PRRG1: variants seen among roughly 807,000 people sequenced by gnomAD.
PRRG1 encodes transmembrane gamma-carboxyglutamic acid protein 1.
Under a neutral mutation model 11.8 loss-of-function variants are expected in PRRG1, and 5 were observed. That is an observed-to-expected ratio of 0.42 (90% CI 0.22 to 0.89). The LOEUF (loss-of-function observed/expected upper bound fraction) is 0.89. Ranked by LOEUF, PRRG1 falls within the 40% of genes least tolerant of loss-of-function variation. The probability of loss-of-function intolerance (pLI) is 0.28; values close to 1 mark genes in which losing one functional copy is unlikely to be tolerated. For synonymous variants in PRRG1, 66 were observed against 60.4 expected, an observed-to-expected ratio of 1.09 and a Z score of -0.43; for missense variants, 155 against 166.1, an observed-to-expected ratio of 0.93 and a Z score of 0.37.
intron 1 of PRRG1, among the ~76,000 whole-genome samples, chrX:37,395,065 C>T (rs1253737691): frequency 1.8e-5 from 2 of 111,702 alleles, no homozygotes; most frequent in Non-Finnish European, 3.8e-5. Flanking sequence ...ACTATTAAAA[C>T]TGTTATTTAA....
Position 37,354,601 on chromosome X carries a change from G to A in PRRG1, c.-42+5206G>A, listed in dbSNP as rs782675177. ...GTAGAGACGGGTTTTCACCGTGTTA[G>A]CCAGGATGGTCTCGATCTCCTGACC... On this transcript the variant is annotated intron_variant, in intron 1 of 3. Transcript: ENST00000378628. 4.6e-5 allele frequency among the ~76,000 whole-genome samples: 5 copies of A among 109,117 alleles called. No individual in the cohort carries two copies. The South Asian group carries it at 2.0e-3, about 44-fold the overall frequency. The allele number at this position is 109,117 out of a possible 115,157, so 94.8% of individuals were successfully genotyped here. A position where few individuals can be genotyped will look rare whatever the true frequency, so the allele number is the denominator to read the frequency against.
intron 2 of PRRG1, among the ~76,000 whole-genome samples, chrX:37,413,101 A>G (rs1932393246): frequency 9.0e-6 from 1 of 111,373 alleles, no homozygotes; most frequent in Non-Finnish European, 1.9e-5. Flanking sequence ...ATCCCTTACC[A>G]GAGAGGTACA....
intron 1 of PRRG1, chrX:37,403,702 C>G (rs950308713): frequency 3.3e-5 from 24 of 728,587 alleles, no homozygotes; most frequent in Non-Finnish European, 3.9e-5. Context: ...CACACACAGA[C>G]AAAAAAGAAG....
At chrX:37,403,462 C>G (rs1556381075) in intron 1 of PRRG1, among the ~76,000 whole-genome samples, 1 of 75,026 alleles carries the variant, frequency 1.3e-5, no homozygotes. Context: ...GGGAACATCA[C>G]ACTCTGGGGA....
Position 37,453,719 on chromosome X carries a change from T to C in PRRG1, c.*98T>C. 1.1e-6 allele frequency: 1 copy of C among 884,479 alleles called. No individual in the cohort carries two copies. The highest frequency in any genetic ancestry group is 1.5e-6 in the Non-Finnish European group (1 of 660,977). 72.9% of individuals were successfully genotyped at this position (884,479 alleles called of 1,213,427 possible). ...CATAAATGTTCATTGACTTATTTTA[T>C]TGGACTCTTACCGCATACCACTTCA... On this transcript the variant is annotated 3_prime_UTR_variant, in exon 4 of 4. Transcript: ENST00000378628.
intron 1 of PRRG1, among the ~76,000 whole-genome samples, chrX:37,377,978 G>T (rs923310168): frequency 5.4e-5 from 6 of 111,397 alleles, no homozygotes; most frequent in African/African-American, 2.0e-4. Flanking sequence ...AGGTAAGTTG[G>T]GTTGAAATCC....
At chrX:37,417,446 A>G (rs782272258) in intron 2 of PRRG1, among the ~76,000 whole-genome samples, 2 of 111,690 alleles carry the variant, frequency 1.8e-5, no homozygotes, top group African/African-American at 6.5e-5. Context: ...CCACCATACA[A>G]TAAATTCTGA....
Position 37,374,665 on chromosome X carries a change from G to A in PRRG1, c.-42+25270G>A, listed in dbSNP as rs139384027. On this transcript the variant is annotated intron_variant, in intron 1 of 3. Coordinates refer to ENST00000378628, the MANE Select transcript of PRRG1 (RefSeq NM_001142395.2). ...CTTCGAGTTCACTTATTCCTGTTAT[G>A]TCCATTTTGCTGTTAAATCCATCTA... Among the ~76,000 whole-genome samples, 563 of 110,630 alleles carry A rather than the reference G, an allele frequency of 5.1e-3. 5 individuals carry two copies. The highest frequency in any genetic ancestry group is 0.026 in the Admixed American group (275 of 10,401).
intron 1 of PRRG1, among the ~76,000 whole-genome samples, chrX:37,399,792 C>A (rs1556379654): frequency 7.7e-5 from 8 of 103,811 alleles, no homozygotes; most frequent in Admixed American, 1.0e-4. Flanking sequence ...GGAAGATCTA[C>A]CAAGCAAATG....
At chrX:37,383,243 G>A (rs1931212324) in intron 1 of PRRG1, among the ~76,000 whole-genome samples, 1 of 111,753 alleles carries the variant, frequency 8.9e-6, no homozygotes, top group Non-Finnish European at 1.9e-5. Context: ...TTGTTATGTA[G>A]CTTTAACAAT....
At position 37,413,396 on chromosome X, in the gene PRRG1, G is replaced by A. The variant is rs184320511; in HGVS notation, c.10+7137G>A. On this transcript the variant is annotated intron_variant, in intron 2 of 3. Transcript: ENST00000378628. ...TTTGCCTTCTCAGATTGAAGAGAAAGAAGCCTTCTCAGATTGGCTTCTTTC... is the reference window on the plus strand; with the variant it reads ...TTTGCCTTCTCAGATTGAAGAGAAAAAAGCCTTCTCAGATTGGCTTCTTTC... 5.2e-4 allele frequency among the ~76,000 whole-genome samples: 58 copies of A among 110,891 alleles called. No homozygotes were observed. In the East Asian group the frequency reaches 0.015, roughly 28 times the overall value.
intron 1 of PRRG1, among the ~76,000 whole-genome samples, chrX:37,357,683 C>T (rs782097840): frequency 8.9e-6 from 1 of 111,935 alleles, no homozygotes; most frequent in African/African-American, 3.2e-5. Flanking sequence ...CACTTAGTAG[C>T]CATCTAGGTT....
chrX:37,379,591 GTATA>G (rs1424630027), intron 1 of PRRG1, among the ~76,000 whole-genome samples: 2 of 111,428 alleles, frequency 1.8e-5, no homozygotes, highest in East Asian at 5.6e-4. Context: ...CCTGCCTTAA[GTATA>G]TATGAGTTTG....
chrX:37,379,751 G>C (rs1275174015), intron 1 of PRRG1, among the ~76,000 whole-genome samples: 1 of 111,773 alleles, frequency 8.9e-6, no homozygotes, highest in Admixed American at 9.5e-5. Context: ...GTGAAATAAA[G>C]GTAGTGAAGT....
At chrX:37,366,701 T>A (rs1441749099) in intron 1 of PRRG1, among the ~76,000 whole-genome samples, 2 of 111,788 alleles carry the variant, frequency 1.8e-5, no homozygotes, top group Non-Finnish European at 3.8e-5. Context: ...AAAGTGGGAC[T>A]CTTACTGACC....
intron 2 of PRRG1, among the ~76,000 whole-genome samples, chrX:37,409,155 A>C (rs187474606): frequency 8.9e-6 from 1 of 112,154 alleles, no homozygotes; most frequent in Non-Finnish European, 1.9e-5. Context: ...TTTATATGCT[A>C]TGTGTATTAC....
At chrX:37,359,840 T>C (rs1385133740) in intron 1 of PRRG1, among the ~76,000 whole-genome samples, 1 of 112,158 alleles carries the variant, frequency 8.9e-6, no homozygotes, top group East Asian at 2.8e-4. Flanking sequence ...TGTGTGAATT[T>C]TGGCAGATTG....
intron 2 of PRRG1, among the ~76,000 whole-genome samples, chrX:37,418,587 G>T (rs1332908307): frequency 1.8e-5 from 2 of 111,796 alleles, no homozygotes; most frequent in East Asian, 5.6e-4. Context: ...TATTTTTATA[G>T]AAATAGCTCT....
intron 1 of PRRG1, among the ~76,000 whole-genome samples, chrX:37,363,720 T>A (rs906728014): frequency 4.5e-5 from 5 of 112,127 alleles, no homozygotes; most frequent in African/African-American, 1.6e-4. Context: ...ATATAATGAA[T>A]TCTGCTTCCA....
Sources: allele counts gnomAD v4.1 joint callset (sites outside exome capture counted in the v4.1 genomes callset), GRCh38; gene constraint gnomAD v4.1.1; transcripts MANE v1.5; gene names NCBI Gene and HGNC (gene_info 2026-07-23, HGNC 2026-07-21).